CAPN12: variants seen among roughly 807,000 people sequenced by gnomAD.
CAPN12 encodes the protein calpain-12.
Under a neutral mutation model 95.0 loss-of-function variants are expected in CAPN12, and 107 were observed. The observed-to-expected ratio is 1.13, with a 90% CI of 0.96 to 1.32. The LOEUF is 1.32. CAPN12 is among the 40% of genes most tolerant of loss of function. The pLI is 0.00. For missense variants in CAPN12, 1,136 were observed against 997.8 expected, an observed-to-expected ratio of 1.14 and a Z score of -1.87; for synonymous variants, 505 against 415.5, an observed-to-expected ratio of 1.22 and a Z score of -2.62.
At chr19:38,734,952 GGC>G in intron 14 of CAPN12, 82 bp from the exon 15 acceptor site, 5 of 1,347,648 alleles carry the variant, frequency 3.7e-6, no homozygotes, top group Non-Finnish European at 5.2e-6. Context: ...ACACGGCAGG[GGC>G]TGACAGAGCC....
At chr19:38,735,345 C>T (rs752517182) in intron 14 of CAPN12, 25 bp downstream of exon 14, 3 of 1,533,322 alleles carry the variant, frequency 2.0e-6, no homozygotes, top group East Asian at 2.3e-5. Flanking sequence ...GCGGGATACC[C>T]CCTCAGTCCA....
chr19:38,734,715 A>C (rs1969889592), intron 15 of CAPN12, 98 bp downstream of exon 15: 1 of 1,137,418 alleles, frequency 8.8e-7, no homozygotes, highest in Admixed American at 2.2e-5. Flanking sequence ...CCCAACTCCC[A>C]GCAGCGCGGT....
At chr19:38,736,591 G>C in intron 10 of CAPN12, 28 bp from the exon 11 acceptor site, 2 of 1,601,800 alleles carry the variant, frequency 1.2e-6, no homozygotes, top group South Asian at 2.2e-5. Flanking sequence ...AAGGGGCGTC[G>C]GGGCAGGGGA....
chr19:38,744,313 G>C lies in CAPN12; in HGVS notation c.-148C>G. The stretch of plus-strand genomic sequence containing the variant: ...TATTAATTGATGGTTTGGGGTGCTG[G>C]GGAGCAGGGACGCCTCTTCAGTAGC... On this transcript the variant is annotated 5_prime_UTR_variant, in exon 1 of 21. Coordinates refer to ENST00000328867, the MANE Select transcript of CAPN12 (RefSeq NM_144691.4). 1 of 767,382 alleles carries C rather than the reference G, an allele frequency of 1.3e-6. No homozygotes were observed. Among genetic ancestry groups the C allele is most frequent in the Non-Finnish European group, 2.1e-6 (1 of 469,526 alleles). 47.5% of individuals were successfully genotyped at this position (767,382 alleles called of 1,614,324 possible). A position where few individuals can be genotyped will look rare whatever the true frequency, so the allele number is the denominator to read the frequency against.
At chr19:38,740,922 G>A (rs1970510230) in intron 4 of CAPN12, among the ~76,000 whole-genome samples, 1 of 152,098 alleles carries the variant, frequency 6.6e-6, no homozygotes, top group Non-Finnish European at 1.5e-5. Context: ...GGGCATGGGA[G>A]AGCTGTGTTA....
chr19:38,733,864 T>TG, intron 17 of CAPN12, 83 bp from the exon 18 acceptor site: 1 of 1,183,218 alleles, frequency 8.5e-7, no homozygotes, highest in Non-Finnish European at 1.2e-6. Context: ...GACAGCCTGG[T>TG]GCCCATCCCA....
At chr19:38,731,521 C>T in intron 18 of CAPN12, 2 of 461,086 alleles carry the variant, frequency 4.3e-6, no homozygotes, top group South Asian at 4.9e-5. Flanking sequence ...TCCTGTGGGG[C>T]TTTCTCCTTG....
At chr19:38,732,933 T>G (rs1025056186) in intron 18 of CAPN12, among the ~76,000 whole-genome samples, 2 of 152,180 alleles carry the variant, frequency 1.3e-5, no homozygotes, top group Non-Finnish European at 1.5e-5. Flanking sequence ...TCTTTCTTGG[T>G]TAGGATGTTG....
chr19:38,738,724 G>A (rs1970372128), intron 5 of CAPN12, 76 bp from the exon 6 acceptor site: 2 of 1,391,366 alleles, frequency 1.4e-6, no homozygotes, highest in Non-Finnish European at 2.0e-6. Context: ...CCAACCTCCT[G>A]CCACCAAGGC....
chr19:38,741,400 C>T (rs1970535445), intron 4 of CAPN12, among the ~76,000 whole-genome samples: 1 of 151,926 alleles, frequency 6.6e-6, no homozygotes, highest in Admixed American at 6.6e-5. Context: ...TGGTGAAACC[C>T]CATCTCTACT....
At chr19:38,733,312 G>A (rs1969770079) in intron 18 of CAPN12, 2 of 181,166 alleles carry the variant, frequency 1.1e-5, no homozygotes, top group Admixed American at 1.1e-4. Flanking sequence ...AGTGCCCAGG[G>A]CCCCTCCTGG....
Position 38,743,030 on chromosome 19 carries a change from C to T in CAPN12, c.307+3G>A. 1.2e-6 allele frequency: 2 copies of T among 1,613,924 alleles called. No homozygotes were observed. Among genetic ancestry groups the T allele is most frequent in the Non-Finnish European group, 1.7e-6 (2 of 1,179,930 alleles). On this transcript the variant is annotated splice_donor_region_variant and intron_variant, in intron 2 of 20. Coordinates refer to ENST00000328867, the MANE Select transcript of CAPN12 (RefSeq NM_144691.4). ...AGGACTCCAGGTGGGTTCAGGGTCT[C>T]ACCCAGGCTCCCCTGACACACGTCT...
At chr19:38,736,906 AG>A in intron 10 of CAPN12, 4 of 152,910 alleles carry the variant, frequency 2.6e-5, no homozygotes, top group South Asian at 2.9e-4. Context: ...CTGGCCCCCC[AG>A]CCCTACTAGC....
intron 1 of CAPN12, 88 bp downstream of exon 1, chr19:38,743,841 C>T: frequency 7.5e-7 from 1 of 1,330,218 alleles, no homozygotes; most frequent in East Asian, 2.4e-5. Context: ...AGTCCAGGCC[C>T]CCAGCCTTCC....
chr19:38,733,796 TGA>T lies in CAPN12; in HGVS notation c.1879-17_1879-16del, dbSNP rs1358670943. 6.2e-7 allele frequency: 1 copy of T among 1,607,794 alleles called. No homozygotes were observed. The highest frequency in any genetic ancestry group is 1.3e-5 in the African/African-American group (1 of 74,806). ...TTAAATATGGCCTGGGCAGGAAGGA[TGA>T]GTCAGGGCTGCCCTCCATGCCCTGA... is the stretch of plus-strand genomic sequence containing the variant. On this transcript the variant is annotated splice_polypyrimidine_tract_variant and intron_variant, in intron 17 of 20. Transcript: ENST00000328867.
rs756364209 is a variant in CAPN12, at chr19:38,735,535, G to C, written c.1593C>G (p.Asp531Glu). ...ACTGCAGGTCTGCGCTGATCACGTC[G>C]TCGATCTCCCTGCAAATTACAGATG... Reference protein sequence around the residue: ...SERRHTAVEIDDVISADLQSL... With the variant: ...SERRHTAVEIEDVISADLQSL... The change falls in exon 13 of 21, where the codon GAC becomes GAG. Residue 531 changes from aspartate to glutamate, a missense_variant. Physicochemically the swap from Asp to Glu is conservative, Grantham distance 45. Coordinates refer to ENST00000328867, the MANE Select transcript of CAPN12 (RefSeq NM_144691.4). 2.5e-6 allele frequency: 4 copies of C among 1,610,370 alleles called. No individual in the cohort carries two copies. The highest frequency in any genetic ancestry group is 2.2e-5 in the South Asian group (2 of 90,868).
upstream of CAPN12, chr19:38,744,524 C>T (rs1970770200): frequency 1.7e-5 from 6 of 349,294 alleles, no homozygotes; most frequent in Admixed American, 8.1e-5. Context: ...GGGAAGGAGG[C>T]GGGTTTACCT....
chr19:38,734,720 C>T (rs543408299), intron 15 of CAPN12, 93 bp downstream of exon 15: 38 of 1,160,108 alleles, frequency 3.3e-5, no homozygotes, highest in African/African-American at 2.5e-4. Flanking sequence ...CTCCCAGCAG[C>T]GCGGTGGGTT....
At chr19:38,731,532 C>T in intron 18 of CAPN12, 2 of 435,784 alleles carry the variant, frequency 4.6e-6, no homozygotes, top group Non-Finnish European at 4.3e-6. Flanking sequence ...TTTCTCCTTG[C>T]CAGTGGGCAC....
Sources: gnomAD v4.1 joint callset for allele counts (sites outside exome capture counted in the v4.1 genomes callset) on GRCh38, gnomAD v4.1.1 for gene constraint, MANE v1.5 for transcripts, NCBI Gene and HGNC (gene_info 2026-07-23, HGNC 2026-07-21) for gene names.